Variants in CNTNAP2 observed in about 807,000 individuals in gnomAD.
CNTNAP2 encodes the protein contactin-associated protein-like 2.
CNTNAP2 carries 98 observed loss-of-function variants against 155.2 expected under a neutral mutation model. The ratio of observed to expected loss-of-function variants is 0.63; its 90% CI spans 0.54 to 0.75. CNTNAP2 has a LOEUF of 0.75. Ranked by LOEUF, CNTNAP2 falls within the 30% of genes least tolerant of loss-of-function variation. The probability of loss-of-function intolerance (pLI) is 0.00; values close to 1 mark genes in which losing one functional copy is unlikely to be tolerated. For synonymous variants in CNTNAP2, 651 were observed against 631.2 expected, an observed-to-expected ratio of 1.03 and a Z score of -0.47; for missense variants, 1,727 against 1,688.1, an observed-to-expected ratio of 1.02 and a Z score of -0.40.
chr7:148,290,062 A>T (rs1209642830), intron 21 of CNTNAP2, among the ~76,000 whole-genome samples: 1 of 152,226 alleles, frequency 6.6e-6, no homozygotes, highest in Admixed American at 6.5e-5. Flanking sequence ...ATATAAAGGG[A>T]TTTCTTTTCT....
At chr7:147,810,327 G>C (rs969060726) in intron 13 of CNTNAP2, among the ~76,000 whole-genome samples, 36 of 151,654 alleles carry the variant, frequency 2.4e-4, no homozygotes, top group Admixed American at 2.1e-3. Flanking sequence ...AAGTAGACTT[G>C]GATTTACATT....
At position 147,472,204 on chromosome 7, in the gene CNTNAP2, C is replaced by CTTTTTTTTTTTTTTTTTTTTTTTTT. The variant is rs542047274; in HGVS notation, c.1671-13729_1671-13705dup. On this transcript the variant is annotated intron_variant, in intron 10 of 23. Coordinates refer to ENST00000361727, the MANE Select transcript of CNTNAP2 (RefSeq NM_014141.6). ...ATCCATTGAAGTTTTTCTTTTTTTC[C>CTTTTTTTTTTTTTTTTTTTTTTTTT]TTTTTTTTTTTTTTTTTTTTTTTTT... is the stretch of plus-strand genomic sequence containing the variant. Among the ~76,000 whole-genome samples the CTTTTTTTTTTTTTTTTTTTTTTTTT allele has an allele frequency of 1.2e-4, 10 of 81,066 alleles. 1 individual carries two copies. Among genetic ancestry groups the CTTTTTTTTTTTTTTTTTTTTTTTTT allele is most frequent in the African/African-American group, 5.2e-4 (10 of 19,364 alleles). 53.2% of individuals were successfully genotyped at this position (81,066 alleles called of 152,430 possible). A position where few individuals can be genotyped will look rare whatever the true frequency, so the allele number is the denominator to read the frequency against.
chr7:146,924,071 A>G (rs969641067), intron 3 of CNTNAP2, among the ~76,000 whole-genome samples: 1 of 152,062 alleles, frequency 6.6e-6, no homozygotes, highest in Admixed American at 6.6e-5. Context: ...GGAATAAATT[A>G]TAGAACTTGA....
intron 1 of CNTNAP2, among the ~76,000 whole-genome samples, chr7:146,235,655 A>G (rs1204093668): frequency 6.6e-6 from 1 of 151,938 alleles, no homozygotes; most frequent in African/African-American, 2.4e-5. Flanking sequence ...TCTCTCTTGT[A>G]CTTCCAGCCT....
rs149307172 is a variant in CNTNAP2, at chr7:146,773,341, G to C, written c.98-930G>C. Among the ~76,000 whole-genome samples, 7 of 152,324 alleles carry C rather than the reference G, an allele frequency of 4.6e-5. No homozygotes were observed. In the East Asian group the frequency reaches 1.4e-3, roughly 29 times the overall value. On this transcript the variant is annotated intron_variant, in intron 1 of 23. Transcript: ENST00000361727. Reference sequence around the variant, plus strand: ...TGGGAACTGATTAATTTTTCTGTCAGTAATAATTTTCAAGTTGATGGTTAT... The same window carrying C: ...TGGGAACTGATTAATTTTTCTGTCACTAATAATTTTCAAGTTGATGGTTAT...
At chr7:147,582,745 G>A (rs7459220) in intron 12 of CNTNAP2, among the ~76,000 whole-genome samples, 1 of 151,792 alleles carries the variant, frequency 6.6e-6, no homozygotes, top group South Asian at 2.1e-4. Context: ...ATTTTTCCTC[G>A]TATGAGTTAA....
At position 146,876,712 on chromosome 7, in the gene CNTNAP2, C is replaced by T. The variant is rs74621600; in HGVS notation, c.402+36808C>T. On this transcript the variant is annotated intron_variant, in intron 3 of 23. Transcript: ENST00000361727. Reference sequence around the variant, plus strand: ...AGATCACCCTGGGTCATTGGATCAACGATACAATAATGTGTATTGTTGATT... The same window carrying T: ...AGATCACCCTGGGTCATTGGATCAATGATACAATAATGTGTATTGTTGATT... 2.2e-3 allele frequency among the ~76,000 whole-genome samples: 340 copies of T among 152,174 alleles called. 3 individuals carry two copies. Among genetic ancestry groups the T allele is most frequent in the African/African-American group, 7.1e-3 (296 of 41,506 alleles).
At chr7:147,040,451 ATTTTTTTTTTTTTT>A (rs34880534) in intron 3 of CNTNAP2, among the ~76,000 whole-genome samples, 1 of 80,830 alleles carries the variant, frequency 1.2e-5, no homozygotes, top group African/African-American at 5.7e-5. Context: ...TTAAGAGTGA[ATTTTTTTTTTTTTT>A]TTTTTTTTTT....
At chr7:148,027,273 G>A (rs140937866) in intron 15 of CNTNAP2, among the ~76,000 whole-genome samples, 405 of 152,302 alleles carry the variant, frequency 2.7e-3, no homozygotes, top group Non-Finnish European at 3.5e-3. Flanking sequence ...ACATTAAAGT[G>A]TATATGACAG....
At chr7:146,956,992 T>C (rs1797450025) in intron 3 of CNTNAP2, among the ~76,000 whole-genome samples, 1 of 152,170 alleles carries the variant, frequency 6.6e-6, no homozygotes, top group South Asian at 2.1e-4. Context: ...CCTTAGGAGA[T>C]TTCTCATCAT....
At chr7:146,153,771 T>C (rs370122269) in intron 1 of CNTNAP2, among the ~76,000 whole-genome samples, 1 of 152,196 alleles carries the variant, frequency 6.6e-6, no homozygotes, top group Non-Finnish European at 1.5e-5. Flanking sequence ...TTTTACTTGA[T>C]GTAGACACAT....
At chr7:146,391,804 A>G (rs1037979446) in intron 1 of CNTNAP2, among the ~76,000 whole-genome samples, 1 of 152,080 alleles carries the variant, frequency 6.6e-6, no homozygotes, top group African/African-American at 2.4e-5. Context: ...CCATGGACAC[A>G]TACAGGAGAA....
chr7:147,502,132 C>T (rs915207767), intron 11 of CNTNAP2, among the ~76,000 whole-genome samples: 12 of 152,028 alleles, frequency 7.9e-5, no homozygotes, highest in Middle Eastern at 3.4e-3. Context: ...ACAGTTAGTC[C>T]CACTAAAATA....
At chr7:148,264,876 G>T (rs774098140) in intron 20 of CNTNAP2, among the ~76,000 whole-genome samples, 9 of 151,832 alleles carry the variant, frequency 5.9e-5, no homozygotes, top group Non-Finnish European at 1.2e-4. Context: ...TGTATTTTTA[G>T]TAGAGACAGG....
At chr7:148,091,438 C>T (rs1213884636) in intron 15 of CNTNAP2, among the ~76,000 whole-genome samples, 2 of 152,080 alleles carry the variant, frequency 1.3e-5, no homozygotes, top group Admixed American at 6.6e-5. Context: ...AATATCCCAG[C>T]TCTCAAAGCT....
At chr7:147,090,238 A>T (rs995259902) in intron 4 of CNTNAP2, among the ~76,000 whole-genome samples, 4 of 152,164 alleles carry the variant, frequency 2.6e-5, no homozygotes, top group Non-Finnish European at 4.4e-5. Flanking sequence ...CAAATCAATT[A>T]GACAAATACT....
chr7:146,750,457 C>G (rs986394428), intron 1 of CNTNAP2, among the ~76,000 whole-genome samples: 1 of 152,176 alleles, frequency 6.6e-6, no homozygotes, highest in South Asian at 2.1e-4. Context: ...ATGAACTTGA[C>G]TCATGATTTT....
chr7:148,370,225 A>G (rs1798861342), intron 21 of CNTNAP2, among the ~76,000 whole-genome samples: 1 of 152,152 alleles, frequency 6.6e-6, no homozygotes, highest in South Asian at 2.1e-4. Context: ...AGAAGGACAT[A>G]AAGATGCCCA....
intron 15 of CNTNAP2, among the ~76,000 whole-genome samples, chr7:147,998,880 T>C (rs1374114619): frequency 6.6e-6 from 1 of 152,162 alleles, no homozygotes. Context: ...TTAATTAAAA[T>C]AAAACCTTTA....
Sources: allele counts gnomAD v4.1 joint callset (sites outside exome capture counted in the v4.1 genomes callset), GRCh38; gene constraint gnomAD v4.1.1; transcripts MANE v1.5; gene names NCBI Gene and HGNC (gene_info 2026-07-23, HGNC 2026-07-21).